SNX19: variants seen among roughly 807,000 people sequenced by gnomAD.
The protein encoded by SNX19 is sorting nexin-19.
A neutral mutation model predicts 85.2 loss-of-function variants in SNX19; 60 were observed. The ratio of observed to expected loss-of-function variants is 0.70; its 90% CI spans 0.57 to 0.87. SNX19 has a LOEUF of 0.87. Ranked by LOEUF, SNX19 falls within the 40% of genes least tolerant of loss-of-function variation. The pLI, the probability that SNX19 is intolerant of heterozygous loss-of-function variation, is 0.00. For synonymous variants in SNX19, 520 were observed against 470.0 expected (o/e 1.11, Z -1.38); for missense variants, 1,201 against 1,217.8 (o/e 0.99, Z 0.21).
rs993620852 is a variant in SNX19 at position 130,876,949 on chromosome 11, G to C, written c.*1473C>G. On this transcript the variant is annotated 3_prime_UTR_variant, in exon 11 of 11. Coordinates refer to ENST00000265909, the MANE Select transcript of SNX19 (RefSeq NM_014758.3). ...CACAATTTAGGGTTAAAAGCCTCCAGAGGGGCAAAAAAGTAAAAAGATTTT... is the reference window on the plus strand; with the variant it reads ...CACAATTTAGGGTTAAAAGCCTCCACAGGGGCAAAAAAGTAAAAAGATTTT... 1 of 152,206 alleles carries C rather than the reference G, an allele frequency of 6.6e-6. No homozygotes were observed. Among genetic ancestry groups the C allele is most frequent in the Non-Finnish European group, 1.5e-5 (1 of 68,028 alleles). The allele number at this position is 152,206 out of a possible 1,614,324, so 9.4% of individuals were successfully genotyped here.
rs748569640 is a variant in SNX19 at position 130,905,915 on chromosome 11, G to T, written c.2443+38C>A. 3.7e-6 allele frequency: 6 copies of T among 1,614,026 alleles called. No homozygotes were observed. The Admixed American group carries it at 1.0e-4, about 27-fold the overall frequency. On this transcript the variant is annotated intron_variant, in intron 7 of 10. Coordinates refer to ENST00000265909, the MANE Select transcript of SNX19 (RefSeq NM_014758.3). The stretch of plus-strand genomic sequence containing the variant: ...CAAGTACCAAGTGGATGCCACCCTG[G>T]CTCCCTTCTCCATGGGAGCAGAGAC...
At position 130,873,973 on chromosome 11, in the gene SNX19, G is replaced by A. The variant is rs772412575; in HGVS notation, c.*4449C>T. Reference sequence around the variant, plus strand: ...AATCACAATGCCATTCTCAGTGTCAGTGGATTGGCATGAGGTGGGTGGTTC... The same window carrying A: ...AATCACAATGCCATTCTCAGTGTCAATGGATTGGCATGAGGTGGGTGGTTC... On this transcript the variant is annotated 3_prime_UTR_variant, in exon 11 of 11. Coordinates refer to ENST00000265909, the MANE Select transcript of SNX19 (RefSeq NM_014758.3). Among the ~76,000 whole-genome samples, 2 of 152,078 alleles carry A rather than the reference G, an allele frequency of 1.3e-5. No homozygotes were observed. Among genetic ancestry groups the A allele is most frequent in the Non-Finnish European group, 2.9e-5 (2 of 68,032 alleles).
chr11:130,902,463 C>T (rs548038297), intron 8 of SNX19, among the ~76,000 whole-genome samples: 3 of 152,088 alleles, frequency 2.0e-5, no homozygotes, highest in Non-Finnish European at 4.4e-5. Context: ...TTAGCATGAG[C>T]CTCATGCTAA....
At position 130,871,806 on chromosome 11, in the gene SNX19, G is replaced by T. The variant is rs947837283; in HGVS notation, c.*6616C>A. Among the ~76,000 whole-genome samples, 1 of 152,092 alleles carries T rather than the reference G, an allele frequency of 6.6e-6. No homozygotes were observed. The highest frequency in any genetic ancestry group is 6.5e-5 in the Admixed American group (1 of 15,276). The stretch of plus-strand genomic sequence containing the variant: ...GGTGCAGCAGTAACATGGAACATAA[G>T]GTGGGAAAAAAGACAAAAGTGTGGA... On this transcript the variant is annotated 3_prime_UTR_variant, in exon 11 of 11. Transcript: ENST00000265909.
chr11:130,896,160 G>A (rs1360359310), intron 8 of SNX19, among the ~76,000 whole-genome samples: 3 of 152,340 alleles, frequency 2.0e-5, no homozygotes, highest in Non-Finnish European at 4.4e-5. Flanking sequence ...TGGGGGTCTT[G>A]CAAAAGTATG....
At chr11:130,879,144 T>C (rs185707597) in intron 10 of SNX19, among the ~76,000 whole-genome samples, 1 of 152,342 alleles carries the variant, frequency 6.6e-6, no homozygotes, top group East Asian at 1.9e-4. Flanking sequence ...CTACCTGATA[T>C]GAAGCAAAGA....
At chr11:130,881,477 C>T (rs1332984388) in intron 8 of SNX19, among the ~76,000 whole-genome samples, 1 of 152,232 alleles carries the variant, frequency 6.6e-6, no homozygotes, top group African/African-American at 2.4e-5. Context: ...CACCTATTAT[C>T]TTTCTAGCTC....
chr11:130,880,864 C>T, intron 8 of SNX19, 58 bp from the exon 9 acceptor site: 1 of 1,397,314 alleles, frequency 7.2e-7, no homozygotes. Context: ...AATAACAAGG[C>T]AGCGGACTGA....
chr11:130,887,188 C>A (rs1254294660), intron 8 of SNX19, among the ~76,000 whole-genome samples: 2 of 149,444 alleles, frequency 1.3e-5, no homozygotes, highest in Admixed American at 1.3e-4. Context: ...TAGCCACAAA[C>A]AGTTTTTGTT....
At chr11:130,892,743 G>A (rs1252094995) in intron 8 of SNX19, 1 of 151,894 alleles carries the variant, frequency 6.6e-6, no homozygotes, top group Non-Finnish European at 1.5e-5. Context: ...AGACCTCCAT[G>A]TACCAACCAA....
At chr11:130,904,694 A>ATTT (rs34208870) in intron 7 of SNX19, among the ~76,000 whole-genome samples, 61 of 148,864 alleles carry the variant, frequency 4.1e-4, no homozygotes, top group East Asian at 7.9e-4. Context: ...AAAATGGTAG[A>ATTT]TTTTTTTTTG....
At position 130,903,272 on chromosome 11, in the gene SNX19, A is replaced by G; in HGVS notation, c.2556T>C (p.Phe852=). Residue 852 remains phenylalanine (F), a synonymous_variant, in exon 8 of 11, where the codon TTT becomes TTC. Coordinates refer to ENST00000265909, the MANE Select transcript of SNX19 (RefSeq NM_014758.3). ...ENMQKFLRLI[F]GTLVQRWLEV... is the part of the protein sequence containing the mutation. Reference sequence around the variant, plus strand: ...AGTCTTACCTTTGAACTAGGGTCCCAAAGATAAGACGAAGAAACTTTTGCA... The same window carrying G: ...AGTCTTACCTTTGAACTAGGGTCCCGAAGATAAGACGAAGAAACTTTTGCA... The G allele has an allele frequency of 6.2e-7, 1 of 1,613,876 alleles. No individual in the cohort carries two copies. The highest frequency in any genetic ancestry group is 8.5e-7 in the Non-Finnish European group (1 of 1,179,780).
At position 130,878,460 on chromosome 11, in the gene SNX19, T is replaced by C. The variant is rs1171520494; in HGVS notation, c.2941A>G (p.Thr981Ala). 2 of 1,613,684 alleles carry C rather than the reference T, an allele frequency of 1.2e-6. No individual in the cohort carries two copies. The highest frequency in any genetic ancestry group is 2.2e-5 in the East Asian group (1 of 44,866). The change falls in exon 11 of 11, where the codon ACC (threonine) becomes GCC (alanine). Residue 981 changes from threonine to alanine, a missense_variant. By Grantham distance (58) the Thr-to-Ala change is moderately conservative (BLOSUM62 0). Transcript: ENST00000265909. The stretch of plus-strand genomic sequence containing the variant: ...CCCATCCTCTTAGAGTTGCCTGGGG[T>C]ATCTGAGGCAGAGGTGGTAGCAGCA... ...ESAATTSASDTPGNSKRMGVS... is the reference protein window; with the variant it reads ...ESAATTSASDAPGNSKRMGVS...
chr11:130,912,877 G>A (rs76824480), intron 1 of SNX19, among the ~76,000 whole-genome samples: 1,809 of 152,138 alleles, frequency 0.012, 29 homozygotes, highest in African/African-American at 0.04. Flanking sequence ...CACATAAACC[G>A]AAAACTATTT....
chr11:130,890,634 A>T (rs1035088098), intron 8 of SNX19, among the ~76,000 whole-genome samples: 7 of 152,152 alleles, frequency 4.6e-5, no homozygotes, highest in African/African-American at 1.7e-4. Flanking sequence ...TACCACAAAT[A>T]CACTATATTG....
chr11:130,903,427 A>G (rs1289538353), intron 7 of SNX19, 43 bp from the exon 8 acceptor site: 2 of 1,593,732 alleles, frequency 1.3e-6, no homozygotes, highest in East Asian at 4.5e-5. Context: ...GAAGAGACCC[A>G]TACTTGAGGA....
chr11:130,880,535 A>C (rs1943581870), intron 9 of SNX19, 87 bp downstream of exon 9: 1 of 1,258,434 alleles, frequency 7.9e-7, no homozygotes. Flanking sequence ...GCCCTTTTAC[A>C]AACAGGAAAA....
Position 130,914,354 on chromosome 11 carries a change from A to C in SNX19, c.1586T>G (p.Ile529Ser). The C allele has an allele frequency of 6.2e-7, 1 of 1,613,814 alleles. No individual in the cohort carries two copies. Among genetic ancestry groups the C allele is most frequent in the Non-Finnish European group, 8.5e-7 (1 of 1,179,814 alleles). The change falls in exon 1 of 11, where the codon ATC (isoleucine) becomes AGC (serine). Residue 529 changes from isoleucine to serine, a missense_variant. Ile to Ser is a moderately radical substitution (Grantham distance 142). This residue lies in a region of SNX19 where 791 missense variants were observed against 750.9 expected (regional missense o/e 1.05). Transcript: ENST00000265909. ...EPLSSPDGPVIIQNLRITGTI... is the reference protein window; with the variant it reads ...EPLSSPDGPVSIQNLRITGTI... ...GCCAGTGATACGAAGGTTCTGGATG[A>C]TAACTGGACCATCGGGACTGCTTAG...
chr11:130,883,050 C>T (rs1231661033), intron 8 of SNX19, among the ~76,000 whole-genome samples: 1 of 152,138 alleles, frequency 6.6e-6, no homozygotes, highest in Non-Finnish European at 1.5e-5. Flanking sequence ...CCTCACATGG[C>T]ATTAGGACAA....
Sources: gnomAD v4.1 joint callset for allele counts (sites outside exome capture counted in the v4.1 genomes callset) on GRCh38, gnomAD v4.1.1 for gene constraint, gnomAD v4.1.1 regional missense constraint, MANE v1.5 for transcripts, NCBI Gene and HGNC (gene_info 2026-07-23, HGNC 2026-07-21) for gene names.